PLXDC2: variants seen among roughly 807,000 people sequenced by gnomAD.
The protein encoded by PLXDC2 is plexin domain containing 2.
Under a neutral mutation model 68.9 loss-of-function variants are expected in PLXDC2, and 40 were observed. That is an observed-to-expected ratio of 0.58 (90% CI 0.45 to 0.76). The LOEUF (loss-of-function observed/expected upper bound fraction) is 0.76, where lower values mean the gene tolerates loss of function less well. PLXDC2 is among the 30% of genes least tolerant of loss of function. The pLI is 0.00. For missense variants in PLXDC2, 644 were observed against 661.9 expected, an observed-to-expected ratio of 0.97 and a Z score of 0.30; for synonymous variants, 243 against 234.2, an observed-to-expected ratio of 1.04 and a Z score of -0.34.
chr10:19,825,502 G>T (rs774834978), intron 1 of PLXDC2, among the ~76,000 whole-genome samples: 34 of 152,102 alleles, frequency 2.2e-4, no homozygotes, highest in Non-Finnish European at 4.0e-4. Context: ...GGTCCAGCTG[G>T]AATATGGAAC....
chr10:20,016,886 C>T (rs1361284064), intron 2 of PLXDC2, among the ~76,000 whole-genome samples: 3 of 152,208 alleles, frequency 2.0e-5, no homozygotes, highest in Non-Finnish European at 4.4e-5. Flanking sequence ...AGTGAAACCA[C>T]CAGCAGTTTC....
rs111357850 is a variant in PLXDC2 at position 20,142,599 on chromosome 10, T to C, written c.542-696T>C. 1.2e-3 allele frequency among the ~76,000 whole-genome samples: 179 copies of C among 152,172 alleles called. 1 individual carries two copies. Among genetic ancestry groups the C allele is most frequent in the African/African-American group, 4.2e-3 (175 of 41,554 alleles). ...CCAAAGTTCTCCATAATAAATTCCC[T>C]CTCATTATCCAACTGCTAGAATAGA... On this transcript the variant is annotated intron_variant, in intron 4 of 13. Coordinates refer to ENST00000377252, the MANE Select transcript of PLXDC2 (RefSeq NM_032812.9).
intron 4 of PLXDC2, among the ~76,000 whole-genome samples, chr10:20,123,110 T>C (rs1833722603): frequency 6.6e-6 from 1 of 152,118 alleles, no homozygotes; most frequent in South Asian, 2.1e-4. Flanking sequence ...GGAACAAAAC[T>C]GTAAGCCGGA....
intron 1 of PLXDC2, among the ~76,000 whole-genome samples, chr10:19,916,131 G>GTTTTTTT: frequency 8.0e-6 from 1 of 124,550 alleles, no homozygotes; most frequent in Non-Finnish European, 1.6e-5. Flanking sequence ...GTTGTGTTTT[G>GTTTTTTT]TTTTGTTTTT....
At chr10:20,056,721 A>C (rs1405962216) in intron 3 of PLXDC2, among the ~76,000 whole-genome samples, 4 of 152,182 alleles carry the variant, frequency 2.6e-5, no homozygotes, top group African/African-American at 9.6e-5. Flanking sequence ...TTGAGTTCCT[A>C]TTTCATTACA....
At chr10:20,248,213 T>C (rs1835626221) in intron 13 of PLXDC2, among the ~76,000 whole-genome samples, 1 of 152,226 alleles carries the variant, frequency 6.6e-6, no homozygotes, top group South Asian at 2.1e-4. Context: ...TTAAAGCTGG[T>C]TCAAAGGAAC....
At chr10:20,036,965 A>G (rs1210500358) in intron 2 of PLXDC2, among the ~76,000 whole-genome samples, 1 of 152,208 alleles carries the variant, frequency 6.6e-6, no homozygotes, top group Non-Finnish European at 1.5e-5. Flanking sequence ...ACATGCTTTT[A>G]TCTCTTTTAG....
At position 20,287,979 on chromosome 10, in the gene PLXDC2, C is replaced by CGGGGGG. The variant is rs748974758; in HGVS notation, c.*8165_*8166insGGGGGG. 0.019 allele frequency: 238 copies of CGGGGGG among 12,322 alleles called. 4 individuals are homozygous for CGGGGGG. The highest frequency in any genetic ancestry group is 0.07 in the Admixed American group (87 of 1,248). The allele number at this position is 12,322 out of a possible 1,614,324, so 0.8% of individuals were successfully genotyped here. ...AGAAGAAATTGGGCACTTCTTGCGG[C>CGGGGGG]GGGGGAGGGGGGGGGGGCGGTGGCT... is the stretch of plus-strand genomic sequence containing the variant. On this transcript the variant is annotated 3_prime_UTR_variant, in exon 14 of 14. Coordinates refer to ENST00000377252, the MANE Select transcript of PLXDC2 (RefSeq NM_032812.9).
intron 2 of PLXDC2, among the ~76,000 whole-genome samples, chr10:20,018,451 A>G (rs1835250078): frequency 6.6e-6 from 1 of 152,332 alleles, no homozygotes; most frequent in East Asian, 1.9e-4. Flanking sequence ...TAAAAATAAG[A>G]AATGGAAGAT....
rs996549248 is a variant in PLXDC2 at position 20,068,084 on chromosome 10, A to G, written c.472-86A>G. ...AATTATGGGGTAAAGTAGAAGCATCATTTTTGTTTTAAGTGAAAGGCTCTT... is the reference window on the plus strand; with the variant it reads ...AATTATGGGGTAAAGTAGAAGCATCGTTTTTGTTTTAAGTGAAAGGCTCTT... On this transcript the variant is annotated intron_variant, in intron 3 of 13. Transcript: ENST00000377252. The G allele has an allele frequency of 2.6e-6, 3 of 1,150,732 alleles. No homozygotes were observed. The African/African-American group carries it at 4.7e-5, about 18-fold the overall frequency. 71.3% of individuals were successfully genotyped at this position (1,150,732 alleles called of 1,614,324 possible). A position where few individuals can be genotyped will look rare whatever the true frequency, so the allele number is the denominator to read the frequency against.
intron 4 of PLXDC2, among the ~76,000 whole-genome samples, chr10:20,130,633 A>T (rs1235923149): frequency 1.3e-5 from 2 of 152,230 alleles, no homozygotes; most frequent in East Asian, 3.9e-4. Flanking sequence ...TGGACTTGTC[A>T]TACATATTCT....
intron 3 of PLXDC2, among the ~76,000 whole-genome samples, chr10:20,057,527 G>A (rs1836019894): frequency 1.3e-5 from 2 of 152,096 alleles, no homozygotes; most frequent in South Asian, 4.1e-4. Flanking sequence ...CCATCAGAAT[G>A]TCTAGTGTTC....
intron 4 of PLXDC2, among the ~76,000 whole-genome samples, chr10:20,137,393 C>G (rs1833947896): frequency 6.6e-6 from 1 of 152,178 alleles, no homozygotes; most frequent in Non-Finnish European, 1.5e-5. Context: ...ACTAGGAAGT[C>G]ATTTTATTCT....
At chr10:19,959,766 C>T (rs964306369) in intron 1 of PLXDC2, among the ~76,000 whole-genome samples, 2 of 152,060 alleles carry the variant, frequency 1.3e-5, no homozygotes, top group Non-Finnish European at 2.9e-5. Flanking sequence ...CAAATGAAAC[C>T]CTAGGGACCC....
intron 1 of PLXDC2, among the ~76,000 whole-genome samples, chr10:19,894,417 T>C (rs1332200575): frequency 2.0e-5 from 3 of 152,152 alleles, no homozygotes; most frequent in Non-Finnish European, 2.9e-5. Flanking sequence ...TCAATTTCAA[T>C]TGGAATTTAT....
At chr10:20,107,061 A>G (rs528445607) in intron 4 of PLXDC2, among the ~76,000 whole-genome samples, 168 of 148,292 alleles carry the variant, frequency 1.1e-3, no homozygotes, top group Non-Finnish European at 2.0e-3. Flanking sequence ...TATATACACT[A>G]TATGCTATAT....
intron 1 of PLXDC2, among the ~76,000 whole-genome samples, chr10:19,915,508 A>G (rs1833349284): frequency 6.6e-6 from 1 of 152,198 alleles, no homozygotes; most frequent in African/African-American, 2.4e-5. Flanking sequence ...TTAATTTTAA[A>G]AAATCATGAG....
intron 2 of PLXDC2, among the ~76,000 whole-genome samples, chr10:20,034,203 T>C (rs1007014876): frequency 8.5e-5 from 13 of 152,322 alleles, no homozygotes; most frequent in Middle Eastern, 3.4e-3. Flanking sequence ...GTTTTTAAAA[T>C]GCAATCCCAG....
chr10:20,191,736 A>G (rs534436309), intron 9 of PLXDC2, among the ~76,000 whole-genome samples: 5 of 152,136 alleles, frequency 3.3e-5, no homozygotes, highest in South Asian at 2.1e-4. Flanking sequence ...CAGCACACCA[A>G]CATGGCACAT....
Sources: allele counts gnomAD v4.1 joint callset (sites outside exome capture counted in the v4.1 genomes callset), GRCh38; gene constraint gnomAD v4.1.1; transcripts MANE v1.5; gene names NCBI Gene and HGNC (gene_info 2026-07-23, HGNC 2026-07-21).